The following GCLC variants were observed in gnomAD, a reference collection of about 807,000 sequenced individuals.
GCLC encodes the protein glutamate--cysteine ligase catalytic subunit.
In GCLC, 30 loss-of-function variants were observed where a neutral mutation model predicts 81.5. The observed-to-expected ratio is 0.37, with a 90% CI of 0.28 to 0.50. The LOEUF (loss-of-function observed/expected upper bound fraction) is 0.50, where lower values mean the gene tolerates loss of function less well. Ranked by LOEUF, GCLC falls within the 20% of genes least tolerant of loss-of-function variation. The pLI is 0.96. For missense variants in GCLC, 556 were observed against 777.4 expected (o/e 0.72, Z 3.39); for synonymous variants, 262 against 273.3 (o/e 0.96, Z 0.41).
intron 15 of GCLC, among the ~76,000 whole-genome samples, chr6:53,499,362 G>A (rs1428685708): frequency 1.3e-5 from 2 of 152,184 alleles, no homozygotes; most frequent in African/African-American, 2.4e-5. Context: ...GTCCTTGAGC[G>A]ATCTTTGATC....
intron 1 of GCLC, among the ~76,000 whole-genome samples, chr6:53,527,568 G>A (rs1763103921): frequency 6.6e-6 from 1 of 152,082 alleles, no homozygotes; most frequent in South Asian, 2.1e-4. Context: ...TGGGAATACT[G>A]TGAAGAGCCA....
At chr6:53,536,908 T>A (rs902285097) in intron 1 of GCLC, among the ~76,000 whole-genome samples, 1 of 152,216 alleles carries the variant, frequency 6.6e-6, no homozygotes, top group African/African-American at 2.4e-5. Context: ...AGAAGACTAA[T>A]ACACTTTTTT....
intron 1 of GCLC, among the ~76,000 whole-genome samples, chr6:53,538,219 C>T (rs562036482): frequency 3.4e-5 from 5 of 147,012 alleles, no homozygotes; most frequent in African/African-American, 1.2e-4. Context: ...TGGCATGATC[C>T]CAGCTCACTG....
Position 53,544,868 on chromosome 6 carries a change from G to A in GCLC, c.-223C>T, listed in dbSNP as rs1763424461. On this transcript the variant is annotated 5_prime_UTR_variant, in exon 1 of 16. Transcript: ENST00000650454. ...CCCTGGGTCCGACGCACCGCGCGGAGGCGAAGGCAGAAGACCGAGAGCAGG... is the reference window on the plus strand; with the variant it reads ...CCCTGGGTCCGACGCACCGCGCGGAAGCGAAGGCAGAAGACCGAGAGCAGG... 2.5e-6 allele frequency: 1 copy of A among 399,360 alleles called. No individual in the cohort carries two copies. Among genetic ancestry groups the A allele is most frequent in the Admixed American group, 4.8e-5 (1 of 20,898 alleles). The allele number at this position is 399,360 out of a possible 1,614,324, so 24.7% of individuals were successfully genotyped here. A position where few individuals can be genotyped will look rare whatever the true frequency, so the allele number is the denominator to read the frequency against.
intron 1 of GCLC, among the ~76,000 whole-genome samples, chr6:53,543,671 A>C (rs1212811727): frequency 6.6e-6 from 1 of 152,250 alleles, no homozygotes; most frequent in African/African-American, 2.4e-5. Context: ...CAGAAAGGGA[A>C]GGCACAAAAA....
chr6:53,512,618 T>A (rs1764775570), intron 6 of GCLC, among the ~76,000 whole-genome samples: 2 of 152,002 alleles, frequency 1.3e-5, no homozygotes, highest in African/African-American at 4.8e-5. Flanking sequence ...GAGCTAACGA[T>A]TTTTTTTAAG....
At chr6:53,511,490 T>C (rs1328028750) in intron 6 of GCLC, among the ~76,000 whole-genome samples, 2 of 152,166 alleles carry the variant, frequency 1.3e-5, no homozygotes, top group Admixed American at 1.3e-4. Flanking sequence ...TCAACTGGCT[T>C]CTCTTAGATG....
At chr6:53,526,071 A>G (rs1763075655) in intron 1 of GCLC, among the ~76,000 whole-genome samples, 1 of 152,048 alleles carries the variant, frequency 6.6e-6, no homozygotes, top group South Asian at 2.1e-4. Context: ...GACACATATA[A>G]AAGACCAGAA....
chr6:53,514,073 G>T, intron 6 of GCLC, 131 bp downstream of exon 6: 1 of 825,266 alleles, frequency 1.2e-6, no homozygotes, highest in South Asian at 1.5e-5. Context: ...ATGTTTTTCA[G>T]AAAGGCATAC....
chr6:53,502,760 T>G (rs1359331221), intron 12 of GCLC, among the ~76,000 whole-genome samples: 1 of 152,214 alleles, frequency 6.6e-6, no homozygotes, highest in Non-Finnish European at 1.5e-5. Context: ...GAGTTTAGTC[T>G]ATTCAAATTT....
At position 53,545,025 on chromosome 6, in the gene GCLC, C is replaced by T. The variant is rs962404391; in HGVS notation, c.-380G>A. 7.8e-5 allele frequency: 13 copies of T among 165,932 alleles called. No individual in the cohort carries two copies. Among genetic ancestry groups the T allele is most frequent in the Non-Finnish European group, 1.4e-4 (11 of 77,684 alleles). 10.3% of individuals were successfully genotyped at this position (165,932 alleles called of 1,614,324 possible). A position where few individuals can be genotyped will look rare whatever the true frequency, so the allele number is the denominator to read the frequency against. ...TCTCTTTGCCGGTCTGGTGCACTGG[C>T]TTCTTCCTACTTGTGACCAAAACCT... On this transcript the variant is annotated 5_prime_UTR_variant, in exon 1 of 16. Coordinates refer to ENST00000650454, the MANE Select transcript of GCLC (RefSeq NM_001498.4).
intron 1 of GCLC, among the ~76,000 whole-genome samples, chr6:53,541,105 A>G (rs1235443806): frequency 4.6e-5 from 7 of 152,020 alleles, no homozygotes; most frequent in Non-Finnish European, 1.0e-4. Flanking sequence ...AATCCTAGCT[A>G]CTCAGGAGGC....
chr6:53,532,554 C>T (rs114493150), intron 1 of GCLC, among the ~76,000 whole-genome samples: 5,434 of 152,280 alleles, frequency 0.036, 164 homozygotes, highest in Middle Eastern at 0.085. Flanking sequence ...GAAAAGTCTG[C>T]TGGAAAACAG....
At chr6:53,525,921 T>G (rs750065553) in intron 1 of GCLC, among the ~76,000 whole-genome samples, 1 of 152,162 alleles carries the variant, frequency 6.6e-6, no homozygotes, top group Non-Finnish European at 1.5e-5. Context: ...GCCTGACCAC[T>G]CTGCAAGACA....
intron 1 of GCLC, among the ~76,000 whole-genome samples, chr6:53,539,087 T>C (rs1194073882): frequency 2.0e-5 from 3 of 152,210 alleles, no homozygotes; most frequent in Non-Finnish European, 4.4e-5. Flanking sequence ...ATTTGTTACA[T>C]TTACATCATA....
intron 12 of GCLC, chr6:53,503,160 C>A (rs1435450599): frequency 6.6e-6 from 1 of 152,142 alleles, no homozygotes; most frequent in African/African-American, 2.4e-5. Flanking sequence ...TCATGAAGGC[C>A]CTACCCTCAT....
At chr6:53,511,042 A>G (rs920605056) in intron 6 of GCLC, among the ~76,000 whole-genome samples, 1 of 152,222 alleles carries the variant, frequency 6.6e-6, no homozygotes, top group Non-Finnish European at 1.5e-5. Flanking sequence ...AGCAGTGAGG[A>G]AATGGGAGCT....
At chr6:53,514,395 A>T (rs17885705) in intron 5 of GCLC, 44 bp downstream of exon 5, 29,077 of 1,592,438 alleles carry the variant, frequency 0.018, 357 homozygotes, top group Middle Eastern at 0.068. Context: ...AAACAACAAT[A>T]CAACATGTCT....
At chr6:53,504,970 A>G (rs1015097718) in intron 12 of GCLC, among the ~76,000 whole-genome samples, 2 of 152,096 alleles carry the variant, frequency 1.3e-5, no homozygotes, top group Non-Finnish European at 2.9e-5. Context: ...TCCTCCCAGA[A>G]AGCTTGTTTT....
Sources: gnomAD v4.1 joint callset for allele counts (sites outside exome capture counted in the v4.1 genomes callset) on GRCh38, gnomAD v4.1.1 for gene constraint, MANE v1.5 for transcripts, NCBI Gene and HGNC (gene_info 2026-07-23, HGNC 2026-07-21) for gene names.